SH3RF3: variants seen among roughly 807,000 people sequenced by gnomAD.
The protein encoded by SH3RF3 is SH3 domain containing ring finger 3.
SH3RF3 carries 29 observed loss-of-function variants against 66.3 expected under a neutral mutation model. The ratio of observed to expected loss-of-function variants is 0.44; its 90% CI spans 0.33 to 0.60. The LOEUF is 0.60. Ranked by LOEUF, SH3RF3 falls within the 20% of genes least tolerant of loss-of-function variation. The pLI, the probability that SH3RF3 is intolerant of heterozygous loss-of-function variation, is 0.04. For missense variants in SH3RF3, 1,194 were observed against 1,190.9 expected (o/e 1.00, Z -0.04); for synonymous variants, 583 against 532.0 (o/e 1.10, Z -1.32).
chr2:109,129,465 C>G lies in SH3RF3; in HGVS notation c.-76C>G. On this transcript the variant is annotated 5_prime_UTR_variant, in exon 1 of 10. Transcript: ENST00000309415. The stretch of plus-strand genomic sequence containing the variant: ...GGAGCCCGGCTCCCCAGTCCTGATG[C>G]TGGCTGCCGGTGGCGGGCTCCACGC... The G allele has an allele frequency of 1.3e-6, 2 of 1,495,232 alleles. No homozygotes were observed. The highest frequency in any genetic ancestry group is 1.8e-6 in the Non-Finnish European group (2 of 1,127,636). The allele number at this position is 1,495,232 out of a possible 1,614,324, so 92.6% of individuals were successfully genotyped here.
At chr2:109,495,764 G>C (rs571228753) in intron 9 of SH3RF3, among the ~76,000 whole-genome samples, 4 of 152,128 alleles carry the variant, frequency 2.6e-5, no homozygotes, top group African/African-American at 9.7e-5. Flanking sequence ...AGTGCTGGGC[G>C]TGAGGCGTGA....
chr2:109,312,736 G>C (rs2105432366), intron 1 of SH3RF3, among the ~76,000 whole-genome samples: 2 of 152,330 alleles, frequency 1.3e-5, no homozygotes, highest in Middle Eastern at 3.4e-3. Context: ...ATGTCCCACT[G>C]TATGGTATTT....
At position 109,197,995 on chromosome 2, in the gene SH3RF3, G is replaced by A. The variant is rs190237809; in HGVS notation, c.573+67882G>A. On this transcript the variant is annotated intron_variant, in intron 1 of 9. Transcript: ENST00000309415. ...GTCAGAGGGGTTGAGGTTTTTCACA[G>A]AGTTGACCTGTAGTTAAGTAAGCGG... Among the ~76,000 whole-genome samples the A allele has an allele frequency of 1.5e-3, 225 of 152,334 alleles. 2 individuals carry two copies. The highest frequency in any genetic ancestry group is 5.2e-3 in the African/African-American group (216 of 41,580).
intron 1 of SH3RF3, among the ~76,000 whole-genome samples, chr2:109,205,261 CTTT>C (rs34792138): frequency 2.9e-5 from 4 of 135,930 alleles, no homozygotes; most frequent in African/African-American, 5.3e-5. Context: ...ACTTATGTGA[CTTT>C]TTTTTTTTTT....
intron 4 of SH3RF3, among the ~76,000 whole-genome samples, chr2:109,400,723 CGCTGGCTCTCATCGGCGGCTG>C (rs1559063438): frequency 1.1e-4 from 16 of 152,334 alleles, no homozygotes; most frequent in African/African-American, 3.1e-4. Flanking sequence ...CACACACAAA[CGCTGGCTCTCATCGGCGGCTG>C]AGGCTGAGGT....
chr2:109,419,738 C>A, intron 5 of SH3RF3, 96 bp downstream of exon 5: 1 of 1,194,438 alleles, frequency 8.4e-7, no homozygotes, highest in Non-Finnish European at 1.2e-6. Flanking sequence ...AGGGTTTTCC[C>A]ATGTGTTACT....
intron 1 of SH3RF3, among the ~76,000 whole-genome samples, chr2:109,213,974 G>A (rs901106139): frequency 6.6e-6 from 1 of 152,232 alleles, no homozygotes; most frequent in Non-Finnish European, 1.5e-5. Context: ...CCCTGCAAAA[G>A]ACCTGTGGAT....
chr2:109,321,836 A>T (rs149498304), intron 1 of SH3RF3, among the ~76,000 whole-genome samples: 1 of 152,212 alleles, frequency 6.6e-6, no homozygotes, highest in Admixed American at 6.5e-5. Flanking sequence ...GGCCATGACA[A>T]TCCCAAGGTT....
At chr2:109,398,491 C>A (rs1676212159) in intron 3 of SH3RF3, 99 bp from the exon 4 acceptor site, 6 of 1,078,468 alleles carry the variant, frequency 5.6e-6, no homozygotes, top group Non-Finnish European at 7.9e-6. Context: ...GAATGCATTG[C>A]CAGTTTGTGA....
intron 1 of SH3RF3, among the ~76,000 whole-genome samples, chr2:109,202,914 A>G (rs904991966): frequency 6.6e-6 from 1 of 152,224 alleles, no homozygotes; most frequent in Non-Finnish European, 1.5e-5. Flanking sequence ...GTAATGTTTT[A>G]GAGTGTAGGT....
chr2:109,499,901 C>T (rs1274624076), intron 9 of SH3RF3, among the ~76,000 whole-genome samples: 2 of 152,090 alleles, frequency 1.3e-5, no homozygotes, highest in Non-Finnish European at 2.9e-5. Context: ...AGCTCAGGTT[C>T]AATTGGCACA....
chr2:109,463,589 T>C (rs967350704), intron 8 of SH3RF3, among the ~76,000 whole-genome samples: 2 of 152,202 alleles, frequency 1.3e-5, no homozygotes, highest in South Asian at 2.1e-4. Flanking sequence ...CAATTTCTGA[T>C]TATTGTGCAA....
intron 1 of SH3RF3, among the ~76,000 whole-genome samples, chr2:109,143,809 T>TACACACAC (rs33913705): frequency 1.0e-4 from 15 of 148,716 alleles, no homozygotes; most frequent in African/African-American, 2.0e-4. Context: ...CTGTGCTGTA[T>TACACACAC]ACACACACAC....
chr2:109,381,590 C>G (rs371918098), intron 3 of SH3RF3, among the ~76,000 whole-genome samples: 1 of 152,060 alleles, frequency 6.6e-6, no homozygotes, highest in East Asian at 1.9e-4. Context: ...TTCCCTTTCA[C>G]TTCTACCTTT....
At chr2:109,265,602 A>G (rs1680469169) in intron 1 of SH3RF3, among the ~76,000 whole-genome samples, 1 of 152,202 alleles carries the variant, frequency 6.6e-6, no homozygotes, top group South Asian at 2.1e-4. Context: ...TGACTCAGAA[A>G]GCCCCCCAGG....
chr2:109,501,789 C>T lies in SH3RF3; in HGVS notation c.*118C>T, dbSNP rs879071291. 6.1e-5 allele frequency: 38 copies of T among 624,742 alleles called. 1 individual carries two copies. The highest frequency in any genetic ancestry group is 4.6e-4 in the South Asian group (25 of 54,516). 38.7% of individuals were successfully genotyped at this position (624,742 alleles called of 1,614,324 possible). A position where few individuals can be genotyped will look rare whatever the true frequency, so the allele number is the denominator to read the frequency against. ...TCCAGGTCATCTCCAAGGCACCTGG[C>T]GGGGGATACCCTGGCCCAGGGTGGG... On this transcript the variant is annotated 3_prime_UTR_variant, in exon 10 of 10. Coordinates refer to ENST00000309415, the MANE Select transcript of SH3RF3 (RefSeq NM_001099289.3).
chr2:109,257,666 T>C (rs1316075184), intron 1 of SH3RF3, among the ~76,000 whole-genome samples: 1 of 152,124 alleles, frequency 6.6e-6, no homozygotes, highest in Non-Finnish European at 1.5e-5. Context: ...GGTTTGCGCT[T>C]CAGGGAAGCC....
chr2:109,202,361 C>A (rs530043622), intron 1 of SH3RF3, among the ~76,000 whole-genome samples: 2 of 152,176 alleles, frequency 1.3e-5, no homozygotes, highest in Non-Finnish European at 2.9e-5. Flanking sequence ...TTGGGCTTTC[C>A]ACTCTCTGTT....
intron 1 of SH3RF3, among the ~76,000 whole-genome samples, chr2:109,214,081 C>T (rs748770566): frequency 6.6e-5 from 10 of 152,042 alleles, no homozygotes; most frequent in African/African-American, 1.2e-4. Context: ...CACTGGACGG[C>T]GAGGAGGAAG....
Sources: gnomAD v4.1 joint callset for allele counts (sites outside exome capture counted in the v4.1 genomes callset) on GRCh38, gnomAD v4.1.1 for gene constraint, MANE v1.5 for transcripts, NCBI Gene and HGNC (gene_info 2026-07-23, HGNC 2026-07-21) for gene names.